Variants in WDR62 observed in about 807,000 individuals in gnomAD.
The protein encoded by WDR62 is WD repeat-containing protein 62.
A neutral mutation model predicts 160.6 loss-of-function variants in WDR62; 112 were observed. The ratio of observed to expected loss-of-function variants is 0.70; its 90% CI spans 0.60 to 0.82. The LOEUF is 0.82. Among genes scored for constraint, WDR62 ranks in the 40% least tolerant of loss-of-function variants. WDR62 has a pLI of 0.00. For synonymous variants in WDR62, 792 were observed against 815.1 expected, an observed-to-expected ratio of 0.97 and a Z score of 0.48; for missense variants, 1,819 against 1,983.8, an observed-to-expected ratio of 0.92 and a Z score of 1.58.
Position 36,091,268 on chromosome 19 carries a change from CT to C in WDR62, c.2107del (p.Tyr703ThrfsTer19). 1 of 1,613,832 alleles carries C rather than the reference CT, an allele frequency of 6.2e-7. No individual in the cohort carries two copies. The highest frequency in any genetic ancestry group is 8.5e-7 in the Non-Finnish European group (1 of 1,180,054). On this transcript the variant is annotated frameshift_variant, in exon 17 of 32. Transcript: ENST00000401500. LOFTEE classifies it high-confidence loss of function. ...CTGACAAAAGCATCTCAGTGATTGA[CT>C]TTTACTCGGGCGAGTGCATTGCCAA... ...CSDKSISVID[F>X]YSGECIAKMF...
Position 36,101,692 on chromosome 19 carries a change from G to C in WDR62, c.3000G>C (p.Glu1000Asp), listed in dbSNP as rs374603112. 11 of 1,551,140 alleles carry C rather than the reference G, an allele frequency of 7.1e-6. No homozygotes were observed. The highest frequency in any genetic ancestry group is 3.6e-5 in the South Asian group (3 of 84,058). Residue 1000 changes from glutamate to aspartate, a missense_variant, in exon 25 of 32, where the codon GAG (glutamate) becomes GAC (aspartate). Physicochemically the swap from Glu to Asp is conservative, Grantham distance 45. This residue lies in a region of WDR62 where 770 missense variants were observed against 734.2 expected (regional missense o/e 1.05). Coordinates refer to ENST00000401500, the MANE Select transcript of WDR62 (RefSeq NM_001083961.2). ...CGGGGGAGTCAGAGGCCGACCTGGA[G>C]TGCAGCTTCGCAGCCATCCACTCCC... Reference protein sequence around the residue: ...EDSGESEADLECSFAAIHSPA... With the variant: ...EDSGESEADLDCSFAAIHSPA...
chr19:36,093,395 A>G (rs58625813), intron 19 of WDR62, among the ~76,000 whole-genome samples: 4,670 of 152,308 alleles, frequency 0.031, 148 homozygotes, highest in African/African-American at 0.088. Context: ...AGCAAAGCCA[A>G]TTTTATTTGC....
Position 36,067,413 on chromosome 19 carries a change from C to G in WDR62, c.669C>G (p.Phe223Leu). The stretch of plus-strand genomic sequence containing the variant: ...CTGTTGGGAACCGCCATGTGAGGTT[C>G]TGGTTCTTGGAAGTCTCCACTGAGA... ...FVTVGNRHVRFWFLEVSTETK... is the reference protein window; with the variant it reads ...FVTVGNRHVRLWFLEVSTETK... The change falls in exon 6 of 32, where the codon TTC becomes TTG. Residue 223 changes from phenylalanine (F) to leucine (L), a missense_variant. Physicochemically the swap from Phe to Leu is conservative, Grantham distance 22. Around this residue, in one of 3 missense-constraint regions of WDR62, gnomAD observed 934 missense variants for 1,157.2 expected, o/e 0.81. Coordinates refer to ENST00000401500, the MANE Select transcript of WDR62 (RefSeq NM_001083961.2). 1 of 1,614,244 alleles carries G rather than the reference C, an allele frequency of 6.2e-7. No homozygotes were observed. Among genetic ancestry groups the G allele is most frequent in the East Asian group, 2.2e-5 (1 of 44,892 alleles).
chr19:36,085,151 TG>T (rs1188103486), intron 12 of WDR62, among the ~76,000 whole-genome samples: 11 of 152,174 alleles, frequency 7.2e-5, no homozygotes, highest in Non-Finnish European at 1.5e-4. Flanking sequence ...GGAGTCTTGC[TG>T]TCACCCAGGC....
Position 36,055,246 on chromosome 19 carries a change from A to G in WDR62, c.177+98A>G, listed in dbSNP as rs1970295209. The G allele has an allele frequency of 5.0e-6, 7 of 1,388,170 alleles. No homozygotes were observed. In the Admixed American group the frequency reaches 8.0e-5, roughly 16 times the overall value. 86.0% of individuals were successfully genotyped at this position (1,388,170 alleles called of 1,614,324 possible). A position where few individuals can be genotyped will look rare whatever the true frequency, so the allele number is the denominator to read the frequency against. On this transcript the variant is annotated intron_variant, in intron 1 of 31. Coordinates refer to ENST00000401500, the MANE Select transcript of WDR62 (RefSeq NM_001083961.2). ...GTGGCCCCGACATCAGCCCCCGGCC[A>G]GTCCCCTCAGGTTGTTCCCTGCCAT...
intron 10 of WDR62, 73 bp from the exon 11 acceptor site, chr19:36,082,990 G>T: frequency 1.5e-6 from 2 of 1,354,790 alleles, no homozygotes. Context: ...AGAAGAGACT[G>T]GCTATGGAGG....
In WDR62 at chr19:36,101,520, C is replaced by G. The variant is rs116904148; in HGVS notation, c.2972-144C>G. ...GCTCTGCCACCTCCTTGATGTGGAA[C>G]TTCCCTTATTCATAAAATGGGGGGC... On this transcript the variant is annotated intron_variant, in intron 24 of 31. Coordinates refer to ENST00000401500, the MANE Select transcript of WDR62 (RefSeq NM_001083961.2). 7,987 of 798,256 alleles carry G rather than the reference C, an allele frequency of 0.01. 107 individuals carry two copies. Among genetic ancestry groups the G allele is most frequent in the South Asian group, 0.039 (2,524 of 64,200 alleles). The allele number at this position is 798,256 out of a possible 1,614,324, so 49.4% of individuals were successfully genotyped here. A position where few individuals can be genotyped will look rare whatever the true frequency, so the allele number is the denominator to read the frequency against.
intron 3 of WDR62, chr19:36,062,445 T>A: frequency 6.7e-6 from 1 of 150,170 alleles, no homozygotes; most frequent in African/African-American, 2.5e-5. Context: ...AGGTCAGGAG[T>A]TTGAGACCAG....
intron 9 of WDR62, among the ~76,000 whole-genome samples, chr19:36,078,339 G>A (rs1448694492): frequency 6.6e-6 from 1 of 151,298 alleles, no homozygotes; most frequent in Non-Finnish European, 1.5e-5. Flanking sequence ...GTGGAGACAC[G>A]GTTTCGCCGT....
chr19:36,098,186 T>C (rs1261156853), intron 21 of WDR62, among the ~76,000 whole-genome samples: 1 of 151,952 alleles, frequency 6.6e-6, no homozygotes, highest in Non-Finnish European at 1.5e-5. Flanking sequence ...GGAGGATCAC[T>C]TCAGCCCAGG....
Position 36,073,325 on chromosome 19 carries a change from C to T in WDR62, c.1044-17C>T, listed in dbSNP as rs1301933797. The T allele has an allele frequency of 1.2e-6, 2 of 1,613,620 alleles. No individual in the cohort carries two copies. Among genetic ancestry groups the T allele is most frequent in the Non-Finnish European group, 1.7e-6 (2 of 1,179,702 alleles). ...AGTGACATTGATGGTGATTGATTAC[C>T]CATGTGGCCTTGTTAGCTTCCTCTT... On this transcript the variant is annotated splice_polypyrimidine_tract_variant and intron_variant, in intron 8 of 31. Transcript: ENST00000401500.
chr19:36,084,464 C>A (rs1244570901), intron 11 of WDR62, among the ~76,000 whole-genome samples, 189 bp from the exon 12 acceptor site: 2 of 152,112 alleles, frequency 1.3e-5, no homozygotes, highest in East Asian at 3.9e-4. Context: ...GAGGTGCTCC[C>A]TGGTTCAACA....
chr19:36,072,957 C>G (rs1256579361), intron 8 of WDR62, among the ~76,000 whole-genome samples: 1 of 152,200 alleles, frequency 6.6e-6, no homozygotes, highest in African/African-American at 2.4e-5. Flanking sequence ...AGCTCCCCAG[C>G]CTCCTTAGGA....
intron 7 of WDR62, among the ~76,000 whole-genome samples, chr19:36,069,673 C>T (rs139382274): frequency 6.6e-6 from 1 of 152,028 alleles, no homozygotes; most frequent in African/African-American, 2.4e-5. Flanking sequence ...TAGCCAAGAT[C>T]GCGCCACTGC....
At chr19:36,104,415 AGT>A in intron 30 of WDR62, 101 bp from the exon 31 acceptor site, 1 of 1,454,312 alleles carries the variant, frequency 6.9e-7, no homozygotes, top group Non-Finnish European at 9.4e-7. Context: ...GACCCAGAGA[AGT>A]GTTCCAGACA....
intron 12 of WDR62, among the ~76,000 whole-genome samples, chr19:36,085,476 A>G (rs897692317): frequency 7.4e-6 from 1 of 134,808 alleles, no homozygotes; most frequent in South Asian, 2.4e-4. Flanking sequence ...GCCGGAGGGC[A>G]ATGACGCGAT....
Position 36,085,414 on chromosome 19 carries a change from CTTTTTT to C in WDR62, c.1642+688_1642+693del, listed in dbSNP as rs35753706. 5.7e-4 allele frequency among the ~76,000 whole-genome samples: 40 copies of C among 70,398 alleles called. 1 individual carries two copies. Among genetic ancestry groups the C allele is most frequent in the Admixed American group, 6.6e-4 (3 of 4,512 alleles). The allele number at this position is 70,398 out of a possible 152,430, so 46.2% of individuals were successfully genotyped here. ...TAGGGCATGAGCCACCACACCTGAC[CTTTTTT>C]TTTTTTTTTTTTTTTTTGAGACAAG... On this transcript the variant is annotated intron_variant, in intron 12 of 31. Transcript: ENST00000401500.
At chr19:36,068,117 T>C in intron 7 of WDR62, 107 bp downstream of exon 7, 1 of 1,348,850 alleles carries the variant, frequency 7.4e-7, no homozygotes, top group Non-Finnish European at 1.0e-6. Flanking sequence ...ATGTGACTAG[T>C]GGTGAATGAC....
At chr19:36,064,504 C>T (rs934424325) in intron 3 of WDR62, among the ~76,000 whole-genome samples, 3 of 152,156 alleles carry the variant, frequency 2.0e-5, no homozygotes, top group African/African-American at 7.2e-5. Flanking sequence ...TGGTCTCGAT[C>T]TCCTGACCTT....
Sources: gnomAD v4.1 joint callset for allele counts (sites outside exome capture counted in the v4.1 genomes callset) on GRCh38, gnomAD v4.1.1 for gene constraint, gnomAD v4.1.1 regional missense constraint, MANE v1.5 for transcripts, NCBI Gene and HGNC (gene_info 2026-07-23, HGNC 2026-07-21) for gene names.